Variants in PDE1C observed in about 807,000 individuals in gnomAD.
PDE1C encodes phosphodiesterase 1C.
In PDE1C, 62 loss-of-function variants were observed where a neutral mutation model predicts 93.1. That is an observed-to-expected ratio of 0.67 (90% CI 0.54 to 0.82). The LOEUF is 0.82. Among genes scored for constraint, PDE1C ranks in the 40% least tolerant of loss-of-function variants. The probability of loss-of-function intolerance (pLI) is 0.00; values close to 1 mark genes in which losing one functional copy is unlikely to be tolerated. For missense variants in PDE1C, 742 were observed against 884.6 expected (o/e 0.84, Z 2.04); for synonymous variants, 325 against 310.1 (o/e 1.05, Z -0.50).
At chr7:31,707,161 T>G in the PDE1C span, 1 of 1,567,668 alleles carries the variant, frequency 6.4e-7, no homozygotes, top group Non-Finnish European at 8.8e-7. Flanking sequence ...CCTAATGTTT[T>G]AATTAGAGGT....
At position 31,857,755 on chromosome 7, in the gene PDE1C, T is replaced by C. The variant is rs937754783; in HGVS notation, c.751-7014A>G. ...CATTTTGAGGGAAAAAAGCCAATAG[T>C]GTAAGAAGATTCTCATAAACAAATA... On this transcript the variant is annotated intron_variant, in intron 7 of 17. Coordinates refer to ENST00000396191, the MANE Select transcript of PDE1C (RefSeq NM_001191057.4). Among the ~76,000 whole-genome samples the C allele has an allele frequency of 4.6e-5, 7 of 152,256 alleles. 1 individual carries two copies. Among genetic ancestry groups the C allele is most frequent in the Admixed American group, 3.9e-4 (6 of 15,272 alleles).
chr7:32,048,922 G>A (rs30581), intron 2 of PDE1C, among the ~76,000 whole-genome samples: 6 of 151,870 alleles, frequency 4.0e-5, no homozygotes, highest in South Asian at 2.1e-4. Flanking sequence ...CAGCATTCAC[G>A]TCAGATATGC....
chr7:31,665,863 A>T, the PDE1C span, among the ~76,000 whole-genome samples: 1 of 152,216 alleles, frequency 6.6e-6, no homozygotes, highest in Non-Finnish European at 1.5e-5. Context: ...GTTGAACATT[A>T]GGAAAAGTTG....
chr7:31,633,586 A>G, the PDE1C span, among the ~76,000 whole-genome samples: 1 of 152,156 alleles, frequency 6.6e-6, no homozygotes, highest in Non-Finnish European at 1.5e-5. Flanking sequence ...ACTACCGCCC[A>G]TTGTCCTGAA....
chr7:32,012,559 A>G (rs1787285668), intron 2 of PDE1C, among the ~76,000 whole-genome samples: 1 of 152,226 alleles, frequency 6.6e-6, no homozygotes, highest in Admixed American at 6.5e-5. Flanking sequence ...TAGAAAATGC[A>G]AAATAATTGA....
chr7:31,870,584 T>G (rs950273661), intron 6 of PDE1C, among the ~76,000 whole-genome samples: 1 of 151,896 alleles, frequency 6.6e-6, no homozygotes. Flanking sequence ...AGACCAATAA[T>G]GAGTAATGAG....
intron 1 of PDE1C, among the ~76,000 whole-genome samples, chr7:32,409,934 A>T (rs1785131357): frequency 6.6e-6 from 1 of 152,092 alleles, no homozygotes; most frequent in Non-Finnish European, 1.5e-5. Flanking sequence ...AAAGTCAGAA[A>T]TAAGAAGGCT....
chr7:32,138,590 A>G (rs578262783), intron 3 of PDE1C, among the ~76,000 whole-genome samples: 1 of 152,280 alleles, frequency 6.6e-6, no homozygotes, highest in East Asian at 1.9e-4. Context: ...ATAAGAGAGA[A>G]AACAATAAGG....
intron 3 of PDE1C, among the ~76,000 whole-genome samples, chr7:32,154,588 T>C (rs1333701031): frequency 6.6e-6 from 1 of 152,234 alleles, no homozygotes; most frequent in African/African-American, 2.4e-5. Flanking sequence ...CCCATCATTA[T>C]TGTTTCCATT....
At chr7:32,164,020 C>T (rs1444412357) in intron 3 of PDE1C, among the ~76,000 whole-genome samples, 10 of 152,222 alleles carry the variant, frequency 6.6e-5, no homozygotes, top group Admixed American at 1.3e-4. Flanking sequence ...AAAAGCATTA[C>T]TCAAATCATG....
chr7:32,335,231 C>T (rs1056370684), intron 1 of PDE1C, among the ~76,000 whole-genome samples: 2 of 152,192 alleles, frequency 1.3e-5, no homozygotes, highest in Non-Finnish European at 2.9e-5. Flanking sequence ...AACGCAAGTC[C>T]ACAGTCTGGC....
chr7:32,303,273 C>G (rs144441006), upstream of PDE1C, among the ~76,000 whole-genome samples: 62 of 152,250 alleles, frequency 4.1e-4, no homozygotes, highest in African/African-American at 1.5e-3. Flanking sequence ...TCTAGCTAAT[C>G]TACCAAACAG....
chr7:31,702,203 A>ATT, the PDE1C span, among the ~76,000 whole-genome samples: 4 of 125,282 alleles, frequency 3.2e-5, no homozygotes, highest in South Asian at 2.5e-4. Context: ...TTTCACCCTT[A>ATT]TTTATTTTTT....
At chr7:31,826,806 A>G (rs779442008) in intron 12 of PDE1C, among the ~76,000 whole-genome samples, 19 of 152,166 alleles carry the variant, frequency 1.2e-4, no homozygotes, top group Non-Finnish European at 2.5e-4. Context: ...TGGCAAAGAA[A>G]TCTTCTAAAA....
intron 2 of PDE1C, among the ~76,000 whole-genome samples, chr7:32,184,733 G>C (rs966877785): frequency 3.9e-5 from 6 of 152,054 alleles, no homozygotes; most frequent in Non-Finnish European, 8.8e-5. Flanking sequence ...CACCAACATG[G>C]CACATGTATA....
chr7:31,930,207 A>C (rs1403892793), intron 2 of PDE1C, among the ~76,000 whole-genome samples: 6 of 152,158 alleles, frequency 3.9e-5, no homozygotes, highest in Admixed American at 3.9e-4. Context: ...CCCAGGACTA[A>C]AACAGGAGGA....
intron 1 of PDE1C, among the ~76,000 whole-genome samples, chr7:32,227,573 G>A (rs1475057944): frequency 1.3e-5 from 2 of 152,178 alleles, no homozygotes; most frequent in Non-Finnish European, 2.9e-5. Flanking sequence ...GAAGGTTGCT[G>A]AACAACACAG....
chr7:32,299,077 G>C (rs1812809028), exon 1 of PDE1C: 2 of 1,095,358 alleles, frequency 1.8e-6, no homozygotes, highest in Non-Finnish European at 2.2e-6. Context: ...ATCCCTGCCT[G>C]GCCACGCTAC....
intron 16 of PDE1C, chr7:31,783,733 T>C (rs1004149245): frequency 2.0e-5 from 3 of 152,174 alleles, no homozygotes; most frequent in Non-Finnish European, 4.4e-5. Flanking sequence ...ATCTTGTATT[T>C]GGAGATATGA....
Sources: gnomAD v4.1 joint callset for allele counts (sites outside exome capture counted in the v4.1 genomes callset) on GRCh38, gnomAD v4.1.1 for gene constraint, MANE v1.5 for transcripts, NCBI Gene and HGNC (gene_info 2026-07-23, HGNC 2026-07-21) for gene names.